The following FAM9B variants were observed in gnomAD, a reference collection of about 807,000 sequenced individuals.
FAM9B encodes the protein family with sequence similarity 9 member B.
In FAM9B, 18 loss-of-function variants were observed where a neutral mutation model predicts 16.6. That is an observed-to-expected ratio of 1.09 (90% CI 0.75 to 1.61). FAM9B has a LOEUF of 1.61. Ranked by LOEUF, FAM9B falls within the 40% of genes most tolerant of loss-of-function variation. FAM9B has a pLI of 0.00. For missense variants in FAM9B, 155 were observed against 136.0 expected, an observed-to-expected ratio of 1.14 and a Z score of -0.70; for synonymous variants, 43 against 42.6, an observed-to-expected ratio of 1.01 and a Z score of -0.03.
intron 5 of FAM9B, chrX:9,030,021 G>T: frequency 2.2e-6 from 1 of 464,245 alleles, no homozygotes; most frequent in Non-Finnish European, 3.5e-6. Context: ...TTACAAGAAG[G>T]CTATTTTTAT....
At chrX:9,028,430 C>G (rs1202153297) in intron 6 of FAM9B, among the ~76,000 whole-genome samples, 2 of 111,348 alleles carry the variant, frequency 1.8e-5, no homozygotes, top group African/African-American at 6.5e-5. Flanking sequence ...CAGTGTTCTC[C>G]TCTCCTCTAC....
intron 5 of FAM9B, 129 bp downstream of exon 5, chrX:9,030,132 A>G (rs2146823861): frequency 1.8e-6 from 2 of 1,135,492 alleles, no homozygotes; most frequent in Non-Finnish European, 1.2e-6. Flanking sequence ...CTACTTAGAG[A>G]ACAATCAAGT....
At position 9,029,190 on chromosome X, in the gene FAM9B, C is replaced by T. The variant is rs369611391; in HGVS notation, c.393+117G>A. The stretch of plus-strand genomic sequence containing the variant: ...TTCCCCTAGTCCATTAGTCCACTAA[C>T]GGGCCCCCCTCTCTGGGCTCATGCG... On this transcript the variant is annotated intron_variant, in intron 6 of 8. Transcript: ENST00000327220. The T allele has an allele frequency of 3.7e-5, 21 of 566,658 alleles. No homozygotes were observed. In the East Asian group the frequency reaches 3.8e-4, roughly 10 times the overall value. 46.7% of individuals were successfully genotyped at this position (566,658 alleles called of 1,213,427 possible). A position where few individuals can be genotyped will look rare whatever the true frequency, so the allele number is the denominator to read the frequency against.
Position 9,024,478 on chromosome X carries a change from A to G in FAM9B, c.*931T>C, listed in dbSNP as rs988220710. The G allele has an allele frequency of 1.8e-5, 2 of 112,015 alleles. No individual in the cohort carries two copies. The highest frequency in any genetic ancestry group is 3.2e-5 in the African/African-American group (1 of 30,860). 9.2% of individuals were successfully genotyped at this position (112,015 alleles called of 1,213,427 possible). ...CATACCCACAAACCAGTGGCTCAGC[A>G]CTGATATTAATATATCTTGCTCAGT... On this transcript the variant is annotated 3_prime_UTR_variant, in exon 9 of 9. Coordinates refer to ENST00000327220, the MANE Select transcript of FAM9B (RefSeq NM_205849.3).
At position 9,027,992 on chromosome X, in the gene FAM9B, T is replaced by TA. The variant is rs1260937711; in HGVS notation, c.394-27dup. 5 of 1,079,233 alleles carry TA rather than the reference T, an allele frequency of 4.6e-6. No individual in the cohort carries two copies. The African/African-American group carries it at 7.3e-5, about 16-fold the overall frequency. The allele number at this position is 1,079,233 out of a possible 1,213,427, so 88.9% of individuals were successfully genotyped here. ...CTAGAATCCCAAAACAAAATAGTGA[T>TA]AAAAATTGGGTAAATTTTAATACTT... On this transcript the variant is annotated intron_variant, in intron 6 of 8. Transcript: ENST00000327220.
intron 1 of FAM9B, 188 bp downstream of exon 1, chrX:9,033,664 G>T: frequency 1.5e-6 from 1 of 680,611 alleles, no homozygotes; most frequent in Non-Finnish European, 1.7e-6. Context: ...GGCAGCTCCA[G>T]CTCCCTCCCT....
At position 9,032,139 on chromosome X, in the gene FAM9B, C is replaced by T. The variant is rs1921093013; in HGVS notation, c.172G>A (p.Asp58Asn). Residue 58 changes from aspartate to asparagine, a missense_variant, in exon 4 of 9, where the codon GAT (aspartate) becomes AAT (asparagine). Asp to Asn is a conservative substitution (Grantham distance 23). Coordinates refer to ENST00000327220, the MANE Select transcript of FAM9B (RefSeq NM_205849.3). ...AACTCCTAAAACATACCTGCAGTATCTTCTGGCTTCTTGGTATTAGCCCTG... is the reference window on the plus strand; with the variant it reads ...AACTCCTAAAACATACCTGCAGTATTTTCTGGCTTCTTGGTATTAGCCCTG... Reference protein sequence around the residue: ...HTGANTKKPEDTAEDLTAKRK... With the variant: ...HTGANTKKPENTAEDLTAKRK... The T allele has an allele frequency of 8.3e-7, 1 of 1,205,432 alleles. No individual in the cohort carries two copies. The highest frequency in any genetic ancestry group is 1.8e-5 in the African/African-American group (1 of 57,010).
At chrX:9,027,728 C>A in intron 7 of FAM9B, 140 bp downstream of exon 7, 1 of 477,019 alleles carries the variant, frequency 2.1e-6, no homozygotes, top group Admixed American at 3.4e-5. Context: ...ATATCTGGAA[C>A]AATACATTCA....
chrX:9,027,113 C>T (rs1467765515), intron 7 of FAM9B, among the ~76,000 whole-genome samples: 1 of 112,002 alleles, frequency 8.9e-6, no homozygotes, highest in Non-Finnish European at 1.9e-5. Flanking sequence ...TGCTAATGTG[C>T]TGTACAACAG....
Position 9,030,455 on chromosome X carries a change from T to C in FAM9B, c.182-95A>G, listed in dbSNP as rs753000767. 590 of 558,753 alleles carry C rather than the reference T, an allele frequency of 1.1e-3. 1 individual carries two copies. Among genetic ancestry groups the C allele is most frequent in the African/African-American group, 0.01 (441 of 42,057 alleles). The allele number at this position is 558,753 out of a possible 1,213,427, so 46.0% of individuals were successfully genotyped here. ...ATACTGACATCAATATGGGACTTTA[T>C]GGTTCAGCAATTTCAGAAGGATATT... On this transcript the variant is annotated intron_variant, in intron 4 of 8. Transcript: ENST00000327220.
chrX:9,032,422 C>T lies in FAM9B; in HGVS notation c.68G>A (p.Arg23His), dbSNP rs200710909. 7.4e-5 allele frequency: 89 copies of T among 1,209,200 alleles called. No homozygotes were observed. Among genetic ancestry groups the T allele is most frequent in the Non-Finnish European group, 9.0e-5 (81 of 895,055 alleles). Reference sequence around the variant, plus strand: ...ATCTTCCTCCCTTGTTTCTGTAAAACGGTTTCTTTCCTCACATTCATCACG... The same window carrying T: ...ATCTTCCTCCCTTGTTTCTGTAAAATGGTTTCTTTCCTCACATTCATCACG... ...PVRDECEERNRFTETREEDVT... is the reference protein window; with the variant it reads ...PVRDECEERNHFTETREEDVT... The change falls in exon 3 of 9, where the codon CGT becomes CAT. Residue 23 changes from arginine to histidine, a missense_variant. By Grantham distance (29) the Arg-to-His change is conservative. Transcript: ENST00000327220.
Position 9,032,724 on chromosome X carries a change from A to C in FAM9B, c.28+235T>G, listed in dbSNP as rs112852276. The C allele has an allele frequency of 6.9e-5, 37 of 537,308 alleles. No homozygotes were observed. The African/African-American group carries it at 7.5e-4, about 11-fold the overall frequency. The allele number at this position is 537,308 out of a possible 1,213,427, so 44.3% of individuals were successfully genotyped here. On this transcript the variant is annotated intron_variant, in intron 2 of 8. Transcript: ENST00000327220. ...GATGTCAGGACTGCACCCATGGAGAAGAGCTGCTCTGAGAGCATCTGTAAC... is the reference window on the plus strand; with the variant it reads ...GATGTCAGGACTGCACCCATGGAGACGAGCTGCTCTGAGAGCATCTGTAAC...
intron 6 of FAM9B, among the ~76,000 whole-genome samples, chrX:9,028,455 C>A (rs1168390402): frequency 9.0e-6 from 1 of 111,372 alleles, no homozygotes; most frequent in African/African-American, 3.3e-5. Flanking sequence ...CACTCACTCA[C>A]ACAGTCATCC....
intron 7 of FAM9B, among the ~76,000 whole-genome samples, chrX:9,026,265 G>C (rs1470885283): frequency 8.9e-6 from 1 of 111,943 alleles, no homozygotes; most frequent in East Asian, 2.8e-4. Flanking sequence ...GTTGGCGAAA[G>C]GTTTCAATCA....
At chrX:9,032,931 C>T in intron 2 of FAM9B, 28 bp downstream of exon 2, 3 of 1,208,618 alleles carry the variant, frequency 2.5e-6, no homozygotes, top group Non-Finnish European at 1.1e-6. Context: ...CGTGCACCTT[C>T]TTCTGGGTCC....
At chrX:9,026,336 GGTGAGTT>G (rs1920966277) in intron 7 of FAM9B, among the ~76,000 whole-genome samples, 1 of 110,990 alleles carries the variant, frequency 9.0e-6, no homozygotes, top group Non-Finnish European at 1.9e-5. Context: ...TGGGAGTAAC[GGTGAGTT>G]CCTTCAGGGA....
chrX:9,032,858 G>C lies in FAM9B; in HGVS notation c.28+101C>G, dbSNP rs917127755. ...CAATGGACTCCAGAGCCACGAAGGG[G>C]CCTGGGGCCTCGGGCTGCCCCTGTG... On this transcript the variant is annotated intron_variant, in intron 2 of 8. Transcript: ENST00000327220. 6 of 1,096,919 alleles carry C rather than the reference G, an allele frequency of 5.5e-6. No homozygotes were observed. In the African/African-American group the frequency reaches 1.1e-4, roughly 20 times the overall value. 90.4% of individuals were successfully genotyped at this position (1,096,919 alleles called of 1,213,427 possible).
In FAM9B at chrX:9,032,555, G is replaced by T. The variant is rs757803656; in HGVS notation, c.29-94C>A. 10,573 of 414,325 alleles carry T rather than the reference G, an allele frequency of 0.026. 592 individuals carry two copies. The African/African-American group carries it at 0.37, about 14-fold the overall frequency. The allele number at this position is 414,325 out of a possible 1,213,427, so 34.1% of individuals were successfully genotyped here. ...AATGTACTAGTTGTAGACTTTTTTG[G>T]GGGGGGGGGGCTCTCTGCCAATTAA... On this transcript the variant is annotated intron_variant, in intron 2 of 8. Coordinates refer to ENST00000327220, the MANE Select transcript of FAM9B (RefSeq NM_205849.3).
intron 7 of FAM9B, among the ~76,000 whole-genome samples, chrX:9,027,660 T>C (rs1157952237): frequency 5.4e-5 from 6 of 111,878 alleles, no homozygotes; most frequent in Non-Finnish European, 1.1e-4. Context: ...CTTTTCCTGT[T>C]CTAAATAACT....
Sources: gnomAD v4.1 joint callset for allele counts (sites outside exome capture counted in the v4.1 genomes callset) on GRCh38, gnomAD v4.1.1 for gene constraint, MANE v1.5 for transcripts, NCBI Gene and HGNC (gene_info 2026-07-23, HGNC 2026-07-21) for gene names.